The following LRRCC1 variants were observed in gnomAD, a reference collection of about 807,000 sequenced individuals.
LRRCC1 encodes the protein leucine rich repeat and coiled-coil centrosomal protein 1, also known as leucine-rich repeat and coiled-coil domain-containing protein 1.
LRRCC1 carries 115 observed loss-of-function variants against 126.0 expected under a neutral mutation model. That is an observed-to-expected ratio of 0.91 (90% CI 0.78 to 1.07). LRRCC1 has a LOEUF of 1.07. Among genes scored for constraint, LRRCC1 ranks in the 50% least tolerant of loss-of-function variants. The probability of loss-of-function intolerance (pLI) is 0.00; values close to 1 mark genes in which losing one functional copy is unlikely to be tolerated. For synonymous variants in LRRCC1, 400 were observed against 393.4 expected, an observed-to-expected ratio of 1.02 and a Z score of -0.20; for missense variants, 1,172 against 1,175.7, an observed-to-expected ratio of 1.00 and a Z score of 0.05.
chr8:85,110,086 CTTTA>C (rs777408658), intron 2 of LRRCC1, 25 bp from the exon 3 acceptor site: 1 of 932,148 alleles, frequency 1.1e-6, no homozygotes, highest in Non-Finnish European at 1.6e-6. Context: ...TTTATAAAGG[CTTTA>C]TTTTATTTTA....
chr8:85,110,143 A>C lies in LRRCC1; in HGVS notation c.339A>C (p.Arg113Ser). Residue 113 changes from arginine (R) to serine (S), a missense_variant, in exon 3 of 19, where the codon AGA becomes AGC. Coordinates refer to ENST00000360375, the MANE Select transcript of LRRCC1 (RefSeq NM_033402.5). ...EGLEELINLT[R>S]LNVSYNHIDD... ...TTGAAGAACTAATTAATCTGACTAG[A>C]CTAAATGTATCTTATAACCACATAG... 1 of 1,332,948 alleles carries C rather than the reference A, an allele frequency of 7.5e-7. No individual in the cohort carries two copies. The highest frequency in any genetic ancestry group is 1.0e-6 in the Non-Finnish European group (1 of 964,200). The allele number at this position is 1,332,948 out of a possible 1,614,324, so 82.6% of individuals were successfully genotyped here.
intron 6 of LRRCC1, among the ~76,000 whole-genome samples, chr8:85,121,274 T>C (rs889981248): frequency 6.6e-6 from 1 of 152,204 alleles, no homozygotes; most frequent in Non-Finnish European, 1.5e-5. Flanking sequence ...GAAGAGTCTG[T>C]TAAAATTTAC....
At position 85,129,948 on chromosome 8, in the gene LRRCC1, A is replaced by C. The variant is rs1810320294; in HGVS notation, c.1656A>C (p.Lys552Asn). The C allele has an allele frequency of 1.3e-6, 2 of 1,591,988 alleles. No individual in the cohort carries two copies. The highest frequency in any genetic ancestry group is 1.7e-6 in the Non-Finnish European group (2 of 1,172,698). ...QIRLIQEVEL[K>N]ASAADREIYL... is the part of the protein sequence containing the mutation. ...GACTGATCCAAGAGGTGGAACTCAA[A>C]GCTTCAGCTGCCGATAGAGAAATAT... Residue 552 changes from lysine to asparagine, a missense_variant, in exon 11 of 19, where the codon AAA (lysine) becomes AAC (asparagine). Coordinates refer to ENST00000360375, the MANE Select transcript of LRRCC1 (RefSeq NM_033402.5).
rs1810824071 is a variant in LRRCC1, at chr8:85,135,911, A to G, written c.2277A>G (p.Ile759Met). The G allele has an allele frequency of 1.2e-6, 2 of 1,607,736 alleles. No individual in the cohort carries two copies. Among genetic ancestry groups the G allele is most frequent in the African/African-American group, 1.3e-5 (1 of 74,756 alleles). Residue 759 changes from isoleucine to methionine, a missense_variant, in exon 14 of 19, where the codon ATA becomes ATG. Transcript: ENST00000360375. ...AGCTAGCAGCCAAGGAATCACTAAT[A>G]TTTGGTTTAAGGACAGAAAGAAAAG... The part of the protein sequence containing the change: ...ISELAAKESL[I>M]FGLRTERKVW...
chr8:85,144,622 A>C (rs1241907922), intron 18 of LRRCC1, among the ~76,000 whole-genome samples: 1 of 147,272 alleles, frequency 6.8e-6, no homozygotes, highest in Non-Finnish European at 1.5e-5. Context: ...GTACCACCAC[A>C]CCTGGCTAAT....
chr8:85,132,226 A>T (rs1587424247), intron 12 of LRRCC1, among the ~76,000 whole-genome samples: 1 of 152,194 alleles, frequency 6.6e-6, no homozygotes, highest in East Asian at 1.9e-4. Flanking sequence ...ACTGTAGAGC[A>T]GGGATTGGCA....
intron 8 of LRRCC1, among the ~76,000 whole-genome samples, chr8:85,126,013 C>T (rs1809967128): frequency 1.3e-5 from 2 of 152,052 alleles, no homozygotes; most frequent in Non-Finnish European, 2.9e-5. Flanking sequence ...TCAATCTTTT[C>T]TGATTCAACC....
intron 6 of LRRCC1, among the ~76,000 whole-genome samples, chr8:85,119,969 G>T (rs1013894049): frequency 1.3e-5 from 2 of 152,090 alleles, no homozygotes; most frequent in Admixed American, 1.3e-4. Context: ...TTTCCTTTGT[G>T]ATTTCTTCCT....
chr8:85,118,066 A>AT (rs1809256046), intron 6 of LRRCC1, among the ~76,000 whole-genome samples: 1 of 151,940 alleles, frequency 6.6e-6, no homozygotes, highest in Non-Finnish European at 1.5e-5. Context: ...CACTTTTCTT[A>AT]TTTTTTGTCT....
intron 8 of LRRCC1, 120 bp from the exon 9 acceptor site, chr8:85,126,569 A>T: frequency 1.2e-6 from 1 of 822,062 alleles, no homozygotes; most frequent in Non-Finnish European, 1.8e-6. Context: ...TAAAATAAAA[A>T]GTTTCACTGT....
At position 85,107,347 on chromosome 8, in the gene LRRCC1, G is replaced by C. The variant is rs775187457; in HGVS notation, c.52G>C (p.Asp18His). ...GGCAGAGGCGGAAGTGGAAAACGAA[G>C]ACGGCGACAGCAGCTGCGGGGATGT... ...VAAEAEVENE[D>H]GDSSCGDVCF... The change falls in exon 1 of 19, where the codon GAC becomes CAC. Residue 18 changes from aspartate to histidine, a missense_variant. By Grantham distance (81) the Asp-to-His change is moderately conservative. Coordinates refer to ENST00000360375, the MANE Select transcript of LRRCC1 (RefSeq NM_033402.5). 1 of 1,613,862 alleles carries C rather than the reference G, an allele frequency of 6.2e-7. No homozygotes were observed. Among genetic ancestry groups the C allele is most frequent in the African/African-American group, 1.3e-5 (1 of 75,040 alleles).
At chr8:85,140,697 C>T (rs1451714488) in intron 17 of LRRCC1, among the ~76,000 whole-genome samples, 1 of 152,174 alleles carries the variant, frequency 6.6e-6, no homozygotes, top group East Asian at 1.9e-4. Flanking sequence ...GTAGTATGCA[C>T]TTCTCAAATT....
At chr8:85,130,985 G>A (rs2135974612) in intron 11 of LRRCC1, among the ~76,000 whole-genome samples, 1 of 152,284 alleles carries the variant, frequency 6.6e-6, no homozygotes, top group East Asian at 1.9e-4. Flanking sequence ...AACATTTTCA[G>A]TTTATCTATT....
At chr8:85,117,159 A>G (rs373936523) in intron 6 of LRRCC1, among the ~76,000 whole-genome samples, 2 of 152,344 alleles carry the variant, frequency 1.3e-5, no homozygotes, top group East Asian at 3.9e-4. Context: ...AAGTAGATAG[A>G]GATTAATATA....
chr8:85,129,952 T>A lies in LRRCC1; in HGVS notation c.1660T>A (p.Ser554Thr). 2 of 1,593,130 alleles carry A rather than the reference T, an allele frequency of 1.3e-6. No individual in the cohort carries two copies. The highest frequency in any genetic ancestry group is 1.7e-6 in the Non-Finnish European group (2 of 1,173,042). Residue 554 changes from serine to threonine, a missense_variant, in exon 11 of 19, where the codon TCA becomes ACA. Physicochemically the swap from Ser to Thr is moderately conservative, Grantham distance 58. Coordinates refer to ENST00000360375, the MANE Select transcript of LRRCC1 (RefSeq NM_033402.5). ...RLIQEVELKA[S>T]AADREIYLLR... Reference sequence around the variant, plus strand: ...GATCCAAGAGGTGGAACTCAAAGCTTCAGCTGCCGATAGAGAAATATACTT... The same window carrying A: ...GATCCAAGAGGTGGAACTCAAAGCTACAGCTGCCGATAGAGAAATATACTT...
chr8:85,115,402 G>A lies in LRRCC1; in HGVS notation c.748G>A (p.Ala250Thr), dbSNP rs1209328417. The A allele has an allele frequency of 6.2e-7, 1 of 1,613,308 alleles. No individual in the cohort carries two copies. Among genetic ancestry groups the A allele is most frequent in the Non-Finnish European group, 8.5e-7 (1 of 1,179,354 alleles). The change falls in exon 6 of 19, where the codon GCA becomes ACA. Residue 250 changes from alanine to threonine, a missense_variant. By Grantham distance (58) the Ala-to-Thr change is moderately conservative. Transcript: ENST00000360375. Reference protein sequence around the residue: ...EIIDRMPVITAPIDELVPLEQ... With the variant: ...EIIDRMPVITTPIDELVPLEQ... ...CATTGATAGAATGCCAGTGATAACA[G>A]CACCTATCGATGAGTTAGTTCCCTT... is the stretch of plus-strand genomic sequence containing the variant.
At chr8:85,122,545 G>GTATTT (rs1173425934) in intron 6 of LRRCC1, among the ~76,000 whole-genome samples, 2 of 152,054 alleles carry the variant, frequency 1.3e-5, no homozygotes, top group African/African-American at 4.8e-5. Context: ...TTCAGACATT[G>GTATTT]TATTTTTCAG....
chr8:85,124,772 CTA>C lies in LRRCC1; in HGVS notation c.1125-18_1125-17del, dbSNP rs750070779. The C allele has an allele frequency of 1.2e-5, 17 of 1,450,018 alleles. No homozygotes were observed. Among genetic ancestry groups the C allele is most frequent in the East Asian group, 4.9e-5 (2 of 40,682 alleles). The allele number at this position is 1,450,018 out of a possible 1,614,324, so 89.8% of individuals were successfully genotyped here. Reference sequence around the variant, plus strand: ...GAACACTACTTTTTTGAGTTATTTTCTATGTTTCATTCTTTACAGTTGTAATC... The same window carrying C: ...GAACACTACTTTTTTGAGTTATTTTCTGTTTCATTCTTTACAGTTGTAATC... On this transcript the variant is annotated intron_variant, in intron 7 of 18. Coordinates refer to ENST00000360375, the MANE Select transcript of LRRCC1 (RefSeq NM_033402.5).
chr8:85,114,245 A>G (rs930939122), intron 4 of LRRCC1, among the ~76,000 whole-genome samples: 7 of 150,976 alleles, frequency 4.6e-5, no homozygotes, highest in African/African-American at 1.7e-4. Context: ...TTTTTTTAAT[A>G]ATCTTATCTC....
Sources: allele counts gnomAD v4.1 joint callset (sites outside exome capture counted in the v4.1 genomes callset), GRCh38; gene constraint gnomAD v4.1.1; transcripts MANE v1.5; gene names NCBI Gene and HGNC (gene_info 2026-07-23, HGNC 2026-07-21).